The following FCHSD2 variants were observed in gnomAD, a reference collection of about 807,000 sequenced individuals.
FCHSD2 encodes F-BAR and double SH3 domains protein 2.
FCHSD2 carries 38 observed loss-of-function variants against 108.1 expected under a neutral mutation model. That is an observed-to-expected ratio of 0.35 (90% CI 0.27 to 0.46). FCHSD2 has a LOEUF of 0.46. Ranked by LOEUF, FCHSD2 falls within the 20% of genes least tolerant of loss-of-function variation. The probability of loss-of-function intolerance (pLI) is 1.00; values close to 1 mark genes in which losing one functional copy is unlikely to be tolerated. For synonymous variants in FCHSD2, 279 were observed against 314.7 expected (o/e 0.89, Z 1.20); for missense variants, 751 against 897.8 (o/e 0.84, Z 2.09).
chr11:73,128,509 C>T (rs1245766988), intron 2 of FCHSD2, among the ~76,000 whole-genome samples: 1 of 152,010 alleles, frequency 6.6e-6, no homozygotes, highest in East Asian at 1.9e-4. Flanking sequence ...AAGGGAAAGT[C>T]TGTTGAGTTA....
In FCHSD2 at chr11:73,141,977, G is replaced by T; in HGVS notation, c.-100C>A. Reference sequence around the variant, plus strand: ...AGGGGACGGCCCAGCGAGCGCGCGCGTGTGTGAAAGGAGCGCTTAAGAAGC... The same window carrying T: ...AGGGGACGGCCCAGCGAGCGCGCGCTTGTGTGAAAGGAGCGCTTAAGAAGC... On this transcript the variant is annotated 5_prime_UTR_variant, in exon 1 of 20. Coordinates refer to ENST00000409418, the MANE Select transcript of FCHSD2 (RefSeq NM_014824.3). 8 of 1,220,686 alleles carry T rather than the reference G, an allele frequency of 6.6e-6. No homozygotes were observed. The highest frequency in any genetic ancestry group is 6.8e-6 in the Non-Finnish European group (6 of 876,068). 75.6% of individuals were successfully genotyped at this position (1,220,686 alleles called of 1,614,324 possible).
At chr11:73,028,014 G>C (rs1206193722) in intron 3 of FCHSD2, among the ~76,000 whole-genome samples, 1 of 152,252 alleles carries the variant, frequency 6.6e-6, no homozygotes, top group African/African-American at 2.4e-5. Context: ...GCAGAAGTCT[G>C]CTGCAGGGGC....
intron 10 of FCHSD2, among the ~76,000 whole-genome samples, chr11:72,890,469 A>G (rs1406642333): frequency 3.3e-5 from 5 of 152,164 alleles, no homozygotes; most frequent in East Asian, 1.9e-4. Context: ...TCAACTTGCC[A>G]CCAAACCTCA....
At chr11:72,842,001 GT>G (rs1261313662) in intron 17 of FCHSD2, among the ~76,000 whole-genome samples, 1 of 152,168 alleles carries the variant, frequency 6.6e-6, no homozygotes, top group Non-Finnish European at 1.5e-5. Flanking sequence ...AGGCTAAGGG[GT>G]CACAATCACC....
At chr11:72,920,069 A>G (rs1855949555) in intron 9 of FCHSD2, among the ~76,000 whole-genome samples, 1 of 152,168 alleles carries the variant, frequency 6.6e-6, no homozygotes. Context: ...ATCTAAATAG[A>G]AAAAGAAGCT....
chr11:73,033,206 T>C (rs998324355), intron 3 of FCHSD2, among the ~76,000 whole-genome samples: 24 of 150,474 alleles, frequency 1.6e-4, no homozygotes, highest in Admixed American at 1.1e-3. Context: ...GAGAATGGCA[T>C]AAACCCGGGA....
At chr11:73,059,388 G>A (rs1859109210) in intron 3 of FCHSD2, among the ~76,000 whole-genome samples, 1 of 152,104 alleles carries the variant, frequency 6.6e-6, no homozygotes. Context: ...GGATTAAGAA[G>A]TTGTAGGACG....
intron 2 of FCHSD2, among the ~76,000 whole-genome samples, chr11:73,111,128 G>A (rs1393204688): frequency 1.3e-5 from 2 of 152,028 alleles, no homozygotes. Flanking sequence ...CATGTGCTGA[G>A]GAAAGGAATG....
At chr11:72,868,845 C>A (rs999710127) in intron 12 of FCHSD2, among the ~76,000 whole-genome samples, 1 of 151,728 alleles carries the variant, frequency 6.6e-6, no homozygotes, top group African/African-American at 2.4e-5. Context: ...CATATTTTTG[C>A]ACAACTGTAT....
At chr11:72,985,169 A>G (rs890839778) in intron 6 of FCHSD2, 53 bp from the exon 7 acceptor site, 17 of 454,968 alleles carry the variant, frequency 3.7e-5, no homozygotes, top group Non-Finnish European at 6.2e-5. Flanking sequence ...TTATATCACA[A>G]TAAAATTACT....
At chr11:72,981,818 T>C (rs1857220847) in intron 8 of FCHSD2, among the ~76,000 whole-genome samples, 1 of 151,886 alleles carries the variant, frequency 6.6e-6, no homozygotes, top group Admixed American at 6.6e-5. Flanking sequence ...TCTGCGAAAA[T>C]AAAAATTAAG....
At position 73,142,072 on chromosome 11, in the gene FCHSD2, G is replaced by A. The variant is rs1861263108; in HGVS notation, c.-195C>T. ...CCCAGCCAGAGAGCGAGTGTGAGGAGACGAGGGAGGAGCACCGGGAAGGCT... is the reference window on the plus strand; with the variant it reads ...CCCAGCCAGAGAGCGAGTGTGAGGAAACGAGGGAGGAGCACCGGGAAGGCT... On this transcript the variant is annotated 5_prime_UTR_variant, in exon 1 of 20. Coordinates refer to ENST00000409418, the MANE Select transcript of FCHSD2 (RefSeq NM_014824.3). 4 of 533,028 alleles carry A rather than the reference G, an allele frequency of 7.5e-6. No homozygotes were observed. Among genetic ancestry groups the A allele is most frequent in the Non-Finnish European group, 1.3e-5 (4 of 304,602 alleles). 33.0% of individuals were successfully genotyped at this position (533,028 alleles called of 1,614,324 possible).
At chr11:72,971,832 G>C (rs866010687) in intron 8 of FCHSD2, among the ~76,000 whole-genome samples, 8 of 152,106 alleles carry the variant, frequency 5.3e-5, no homozygotes, top group Admixed American at 5.2e-4. Flanking sequence ...AATAAATGGA[G>C]GTAGTTTAAA....
chr11:73,029,561 G>A (rs1858311050), intron 3 of FCHSD2, among the ~76,000 whole-genome samples: 1 of 152,144 alleles, frequency 6.6e-6, no homozygotes, highest in Non-Finnish European at 1.5e-5. Flanking sequence ...GGGCAAATGG[G>A]ACCCTATCTT....
chr11:73,027,940 G>A (rs1024031592), intron 3 of FCHSD2, among the ~76,000 whole-genome samples: 3 of 152,268 alleles, frequency 2.0e-5, no homozygotes, highest in African/African-American at 4.8e-5. Flanking sequence ...CAGAAGATAA[G>A]AACTGATGTT....
intron 2 of FCHSD2, among the ~76,000 whole-genome samples, chr11:73,135,012 C>A (rs552443561): frequency 6.6e-6 from 1 of 152,224 alleles, no homozygotes; most frequent in East Asian, 1.9e-4. Flanking sequence ...CGCCACCATG[C>A]ACACCTAATT....
At chr11:72,978,976 C>T (rs1402550756) in intron 8 of FCHSD2, among the ~76,000 whole-genome samples, 2 of 151,398 alleles carry the variant, frequency 1.3e-5, no homozygotes, top group Non-Finnish European at 1.5e-5. Context: ...CGTGCCTCAG[C>T]CTCCCTGAGT....
In FCHSD2 at chr11:73,045,988, A is replaced by AT. The variant is rs11289761; in HGVS notation, c.166-30104dup. Among the ~76,000 whole-genome samples the AT allele has an allele frequency of 7.5e-4, 103 of 136,670 alleles. 1 individual carries two copies. Among genetic ancestry groups the AT allele is most frequent in the East Asian group, 2.1e-3 (10 of 4,754 alleles). 89.7% of individuals were successfully genotyped at this position (136,670 alleles called of 152,430 possible). A position where few individuals can be genotyped will look rare whatever the true frequency, so the allele number is the denominator to read the frequency against. On this transcript the variant is annotated intron_variant, in intron 3 of 19. Coordinates refer to ENST00000409418, the MANE Select transcript of FCHSD2 (RefSeq NM_014824.3). ...TTATATTTCTACAATAATTTCAGTA[A>AT]TTTTTTTTTTTTTTTTTTTAGAGAC...
At chr11:72,920,153 C>G (rs1196971230) in intron 9 of FCHSD2, among the ~76,000 whole-genome samples, 2 of 151,924 alleles carry the variant, frequency 1.3e-5, no homozygotes, top group African/African-American at 2.4e-5. Flanking sequence ...AGGAAATAGA[C>G]ACAACACTGA....
Sources: allele counts gnomAD v4.1 joint callset (sites outside exome capture counted in the v4.1 genomes callset), GRCh38; gene constraint gnomAD v4.1.1; transcripts MANE v1.5; gene names NCBI Gene and HGNC (gene_info 2026-07-23, HGNC 2026-07-21).